SLCO3A1: variants seen among roughly 807,000 people sequenced by gnomAD.
SLCO3A1 encodes solute carrier organic anion transporter family member 3A1, also known as PGE1 transporter.
In SLCO3A1, 27 loss-of-function variants were observed where a neutral mutation model predicts 63.1. The ratio of observed to expected loss-of-function variants is 0.43; its 90% CI spans 0.32 to 0.59. The LOEUF is 0.59. Ranked by LOEUF, SLCO3A1 falls within the 20% of genes least tolerant of loss-of-function variation. The probability of loss-of-function intolerance (pLI) is 0.09; values close to 1 mark genes in which losing one functional copy is unlikely to be tolerated. For synonymous variants in SLCO3A1, 473 were observed against 409.9 expected (o/e 1.15, Z -1.86); for missense variants, 773 against 945.8 (o/e 0.82, Z 2.40).
At chr15:91,929,248 G>A (rs1050920624) in intron 2 of SLCO3A1, among the ~76,000 whole-genome samples, 2 of 152,182 alleles carry the variant, frequency 1.3e-5, no homozygotes. Flanking sequence ...GCAAAGGCAG[G>A]CCTCCTTAAG....
At chr15:91,902,943 G>A (rs1054451321) in intron 1 of SLCO3A1, among the ~76,000 whole-genome samples, 5 of 152,180 alleles carry the variant, frequency 3.3e-5, no homozygotes, top group Non-Finnish European at 7.3e-5. Context: ...TAGTACTTAC[G>A]TAACAAGGTT....
intron 9 of SLCO3A1, among the ~76,000 whole-genome samples, chr15:92,152,584 G>T (rs181304785): frequency 2.4e-4 from 36 of 152,304 alleles, no homozygotes; most frequent in African/African-American, 5.8e-4. Flanking sequence ...AGTTATGATC[G>T]TGCTGATTTT....
Position 92,163,857 on chromosome 15 carries a change from A to G in SLCO3A1, c.*722A>G, listed in dbSNP as rs1035425093. On this transcript the variant is annotated 3_prime_UTR_variant, in exon 10 of 10. Coordinates refer to ENST00000318445, the MANE Select transcript of SLCO3A1 (RefSeq NM_013272.4). ...GTTCAAGACTGAGGGCCTGAGGGGGAGCCAGGTGGGGGGCCAGCACCTCCC... is the reference window on the plus strand; with the variant it reads ...GTTCAAGACTGAGGGCCTGAGGGGGGGCCAGGTGGGGGGCCAGCACCTCCC... 4 of 985,286 alleles carry G rather than the reference A, an allele frequency of 4.1e-6. No individual in the cohort carries two copies. Among genetic ancestry groups the G allele is most frequent in the Non-Finnish European group, 4.8e-6 (4 of 830,098 alleles). 61.0% of individuals were successfully genotyped at this position (985,286 alleles called of 1,614,324 possible).
In SLCO3A1 at chr15:91,916,172, G is replaced by C. The variant is rs752685366; in HGVS notation, c.360G>C (p.Ala120=). Reference sequence around the variant, plus strand: ...GCGGCATCGTCATGGCGCTGGGCGCGCTGCTGTCGGCGCTGCCCGAGTTCC... The same window carrying C: ...GCGGCATCGTCATGGCGCTGGGCGCCCTGCTGTCGGCGCTGCCCGAGTTCC... The part of the protein sequence containing the change: ...GCGGIVMALG[A]LLSALPEFLT... The change falls in exon 2 of 10, where the codon GCG becomes GCC. Residue 120 remains alanine (A), a synonymous_variant. Transcript: ENST00000318445. The surrounding 1 kb of genome is among the most constrained non-coding windows in gnomAD (Gnocchi z 6.2). 3 of 1,601,776 alleles carry C rather than the reference G, an allele frequency of 1.9e-6. No individual in the cohort carries two copies. In the South Asian group the frequency reaches 3.3e-5, roughly 18 times the overall value.
intron 7 of SLCO3A1, among the ~76,000 whole-genome samples, chr15:92,135,707 G>C (rs1210145133): frequency 6.6e-6 from 1 of 152,310 alleles, no homozygotes; most frequent in South Asian, 2.1e-4. Context: ...GAAGTATGTT[G>C]CCATTCAAAG....
rs1436693695 is a variant in SLCO3A1 at position 91,941,615 on chromosome 15, G to A, written c.646+25157G>A. Reference sequence around the variant, plus strand: ...TCTCTTCCTTCGTCTTGGAGGTTTTGAAGCTTCTAATCTCCCATGGGTTTT... The same window carrying A: ...TCTCTTCCTTCGTCTTGGAGGTTTTAAAGCTTCTAATCTCCCATGGGTTTT... On this transcript the variant is annotated intron_variant, in intron 2 of 9. Coordinates refer to ENST00000318445, the MANE Select transcript of SLCO3A1 (RefSeq NM_013272.4). The surrounding 1 kb of genome is among the most constrained non-coding windows in gnomAD (Gnocchi z 4.4). 8.8e-6 allele frequency: 4 copies of A among 455,158 alleles called. No individual in the cohort carries two copies. The highest frequency in any genetic ancestry group is 1.8e-5 in the Non-Finnish European group (4 of 226,532). The allele number at this position is 455,158 out of a possible 1,614,324, so 28.2% of individuals were successfully genotyped here. A position where few individuals can be genotyped will look rare whatever the true frequency, so the allele number is the denominator to read the frequency against.
At chr15:91,907,985 C>T (rs932730975) in intron 1 of SLCO3A1, among the ~76,000 whole-genome samples, 11 of 152,050 alleles carry the variant, frequency 7.2e-5, no homozygotes, top group East Asian at 1.9e-4. Context: ...GCTGCAAGGA[C>T]GAGGAAAGCC....
intron 9 of SLCO3A1, among the ~76,000 whole-genome samples, chr15:92,159,063 A>C (rs2048405558): frequency 1.3e-5 from 2 of 152,150 alleles, no homozygotes; most frequent in African/African-American, 4.8e-5. Flanking sequence ...ACACTCACAC[A>C]CACACCTCAT....
At chr15:92,136,298 T>C (rs1482624765) in intron 7 of SLCO3A1, among the ~76,000 whole-genome samples, 1 of 152,174 alleles carries the variant, frequency 6.6e-6, no homozygotes, top group Non-Finnish European at 1.5e-5. Context: ...GCTTCCTTTG[T>C]ACAATTAATA....
chr15:91,945,187 C>G (rs1056951875), intron 2 of SLCO3A1, among the ~76,000 whole-genome samples: 1 of 151,868 alleles, frequency 6.6e-6, no homozygotes, highest in Non-Finnish European at 1.5e-5. Context: ...ACTAAAAATA[C>G]AAAAATTAGC....
intron 9 of SLCO3A1, 124 bp downstream of exon 9, chr15:92,151,138 T>A: frequency 1.4e-6 from 1 of 716,670 alleles, no homozygotes; most frequent in Non-Finnish European, 2.3e-6. Flanking sequence ...TAATTATTAG[T>A]AAATAAGAAA....
Position 92,151,196 on chromosome 15 carries a change from G to A in SLCO3A1, c.1753+182G>A, listed in dbSNP as rs532622878. 7.0e-5 allele frequency: 39 copies of A among 558,702 alleles called. No individual in the cohort carries two copies. In the Admixed American group the frequency reaches 1.0e-3, roughly 15 times the overall value. 34.6% of individuals were successfully genotyped at this position (558,702 alleles called of 1,614,324 possible). A position where few individuals can be genotyped will look rare whatever the true frequency, so the allele number is the denominator to read the frequency against. ...CAGAGATAAACTCAGACACTGCCTC[G>A]ATATCACGAAGTTCTCATTTATACC... On this transcript the variant is annotated intron_variant, in intron 9 of 9. Coordinates refer to ENST00000318445, the MANE Select transcript of SLCO3A1 (RefSeq NM_013272.4).
At chr15:92,131,627 C>G (rs1372988047) in intron 7 of SLCO3A1, among the ~76,000 whole-genome samples, 1 of 145,668 alleles carries the variant, frequency 6.9e-6, no homozygotes, top group African/African-American at 2.5e-5. Context: ...CTCGGCCTCC[C>G]AAAGTGCTGG....
At chr15:91,943,894 C>T (rs1899709104) in intron 2 of SLCO3A1, among the ~76,000 whole-genome samples, 1 of 152,176 alleles carries the variant, frequency 6.6e-6, no homozygotes, top group Non-Finnish European at 1.5e-5. Context: ...CAGGGCTACC[C>T]TCTGGTGACT....
chr15:91,957,413 C>T (rs929631934), intron 2 of SLCO3A1, among the ~76,000 whole-genome samples: 1 of 151,660 alleles, frequency 6.6e-6, no homozygotes, highest in African/African-American at 2.4e-5. Flanking sequence ...AGTGAAAGCT[C>T]ATCTTCCTGT....
chr15:92,101,366 G>A (rs1567120199), intron 3 of SLCO3A1, among the ~76,000 whole-genome samples: 2 of 152,028 alleles, frequency 1.3e-5, no homozygotes, highest in Non-Finnish European at 1.5e-5. Context: ...AAAATTAGCC[G>A]GGCATGGTGG....
chr15:92,117,981 TA>T (rs2047816175), intron 4 of SLCO3A1, among the ~76,000 whole-genome samples: 3 of 152,256 alleles, frequency 2.0e-5, no homozygotes, highest in African/African-American at 7.2e-5. Flanking sequence ...ATATAGGTGT[TA>T]TAAAGGTAAA....
intron 2 of SLCO3A1, among the ~76,000 whole-genome samples, chr15:91,918,906 G>A (rs1464095559): frequency 6.6e-6 from 1 of 152,238 alleles, no homozygotes; most frequent in East Asian, 1.9e-4. Flanking sequence ...CTCCTGCAGA[G>A]TTGGTCTAGA....
intron 2 of SLCO3A1, among the ~76,000 whole-genome samples, chr15:91,992,421 G>A (rs183840461): frequency 8.5e-5 from 13 of 152,332 alleles, no homozygotes; most frequent in African/African-American, 3.1e-4. Context: ...ATGACCGCCA[G>A]TGACTCCTTT....
Sources: allele counts gnomAD v4.1 joint callset (sites outside exome capture counted in the v4.1 genomes callset), GRCh38; gene constraint gnomAD v4.1.1; non-coding constraint Gnocchi (gnomAD v3.1); transcripts MANE v1.5; gene names NCBI Gene and HGNC (gene_info 2026-07-23, HGNC 2026-07-21).